OCLN: variants seen among roughly 807,000 people sequenced by gnomAD.
OCLN encodes phosphatase 1, regulatory subunit 115.
OCLN carries 21 observed loss-of-function variants against 47.9 expected under a neutral mutation model. The ratio of observed to expected loss-of-function variants is 0.44; its 90% CI spans 0.31 to 0.63. OCLN has a LOEUF of 0.63. Among genes scored for constraint, OCLN ranks in the 30% least tolerant of loss-of-function variants. The probability of loss-of-function intolerance (pLI) is 0.08; values close to 1 mark genes in which losing one functional copy is unlikely to be tolerated. For missense variants in OCLN, 360 were observed against 571.0 expected, an observed-to-expected ratio of 0.63 and a Z score of 3.77; for synonymous variants, 117 against 198.4, an observed-to-expected ratio of 0.59 and a Z score of 3.45.
intron 1 of OCLN, 91 bp downstream of exon 1, chr5:69,492,991 G>C (rs1385649022): frequency 6.6e-6 from 1 of 152,548 alleles, no homozygotes; most frequent in Non-Finnish European, 1.5e-5. Context: ...GGTGCCGGGG[G>C]GAGGACGCTC....
At chr5:69,508,808 G>C (rs1209515408) in intron 2 of OCLN, among the ~76,000 whole-genome samples, 1 of 152,228 alleles carries the variant, frequency 6.6e-6, no homozygotes, top group African/African-American at 2.4e-5. Context: ...GTCTAGTGAA[G>C]TTGAAGATAT....
At chr5:69,516,389 C>T (rs917086055) in intron 4 of OCLN, among the ~76,000 whole-genome samples, 35 of 152,074 alleles carry the variant, frequency 2.3e-4, no homozygotes, top group East Asian at 1.4e-3. Context: ...CGCAGGCACT[C>T]GGCAGGCTGA....
intron 2 of OCLN, among the ~76,000 whole-genome samples, chr5:69,504,709 G>A (rs1249486568): frequency 6.6e-6 from 1 of 152,200 alleles, no homozygotes; most frequent in African/African-American, 2.4e-5. Flanking sequence ...GGCCGAGGCT[G>A]GCGGATCACA....
At chr5:69,506,179 G>A (rs551433907) in intron 2 of OCLN, among the ~76,000 whole-genome samples, 17 of 152,298 alleles carry the variant, frequency 1.1e-4, no homozygotes, top group African/African-American at 4.1e-4. Flanking sequence ...GTGTGGTGGT[G>A]CATGCCTGTT....
intron 4 of OCLN, among the ~76,000 whole-genome samples, chr5:69,523,410 A>T (rs1465218287): frequency 2.6e-5 from 4 of 152,190 alleles, no homozygotes; most frequent in African/African-American, 9.7e-5. Context: ...TTTTATATTA[A>T]CAGAAAGCAT....
At chr5:69,522,776 G>A (rs1213151846) in intron 4 of OCLN, among the ~76,000 whole-genome samples, 3 of 151,568 alleles carry the variant, frequency 2.0e-5, no homozygotes, top group African/African-American at 7.3e-5. Context: ...TGCCCAGGCT[G>A]GAGTGCAATG....
Position 69,492,797 on chromosome 5 carries a change from G to C in OCLN, c.-172G>C, listed in dbSNP as rs1471792207. 1 of 152,548 alleles carries C rather than the reference G, an allele frequency of 6.6e-6. No individual in the cohort carries two copies. Among genetic ancestry groups the C allele is most frequent in the Non-Finnish European group, 1.5e-5 (1 of 68,326 alleles). The allele number at this position is 152,548 out of a possible 1,614,324, so 9.4% of individuals were successfully genotyped here. A position where few individuals can be genotyped will look rare whatever the true frequency, so the allele number is the denominator to read the frequency against. ...AGGAGACGTCCCCAGCCCAGTCCCC[G>C]GCTGAGCGCTGGCGGTCGGTGCGGC... On this transcript the variant is annotated 5_prime_UTR_variant, in exon 1 of 9. Transcript: ENST00000396442.
At chr5:69,550,303 C>T (rs1254543982) in intron 7 of OCLN, among the ~76,000 whole-genome samples, 2 of 124,562 alleles carry the variant, frequency 1.6e-5, no homozygotes, top group South Asian at 3.0e-4. Flanking sequence ...GTGATTCTCC[C>T]GCCTCAGCCT....
intron 1 of OCLN, among the ~76,000 whole-genome samples, chr5:69,494,193 G>C (rs1456420786): frequency 2.6e-5 from 4 of 152,130 alleles, no homozygotes; most frequent in South Asian, 2.1e-4. Flanking sequence ...GCTTGTGTGT[G>C]TGTGTGTGTG....
At chr5:69,508,006 T>G (rs756938764) in intron 2 of OCLN, among the ~76,000 whole-genome samples, 13 of 152,220 alleles carry the variant, frequency 8.5e-5, no homozygotes, top group African/African-American at 1.2e-4. Flanking sequence ...TCAGGAAATA[T>G]TTTACATTCT....
intron 5 of OCLN, among the ~76,000 whole-genome samples, chr5:69,535,165 G>GT (rs1330612977): frequency 6.6e-6 from 1 of 151,262 alleles, no homozygotes; most frequent in Non-Finnish European, 1.5e-5. Context: ...TTTAGGTGAG[G>GT]GTGAGAGGAA....
chr5:69,536,332 T>C, intron 5 of OCLN, among the ~76,000 whole-genome samples: 1 of 144,354 alleles, frequency 6.9e-6, no homozygotes, highest in Middle Eastern at 3.5e-3. Flanking sequence ...AATCTTAGCT[T>C]TCTATAACTT....
intron 2 of OCLN, among the ~76,000 whole-genome samples, chr5:69,507,674 C>T (rs755174773): frequency 1.1e-4 from 17 of 151,442 alleles, no homozygotes; most frequent in African/African-American, 3.9e-4. Context: ...GGCACGGTCT[C>T]GGCTTACTGC....
At chr5:69,515,167 C>A (rs1360819072) in intron 4 of OCLN, among the ~76,000 whole-genome samples, 1 of 147,284 alleles carries the variant, frequency 6.8e-6, no homozygotes, top group Non-Finnish European at 1.5e-5. Flanking sequence ...ACCCCCCCAC[C>A]TCCCTCCCGG....
intron 1 of OCLN, among the ~76,000 whole-genome samples, chr5:69,502,196 C>CAA (rs575237563): frequency 1.8e-3 from 133 of 74,700 alleles, no homozygotes; most frequent in Non-Finnish European, 2.9e-3. Flanking sequence ...AGACTCGGCT[C>CAA]AAAAAAAAAA....
chr5:69,520,627 A>G (rs924127396), intron 4 of OCLN, among the ~76,000 whole-genome samples: 1 of 150,084 alleles, frequency 6.7e-6, no homozygotes. Context: ...TTCCTTTCCT[A>G]TTTCTTATTC....
In OCLN at chr5:69,520,535, G is replaced by A. The variant is rs547406343; in HGVS notation, c.891+6426G>A. ...AGGCTGGCCTCAAACTTCTGACTAC[G>A]TGATCCTCTGCCTCCCAAAGTGCTG... On this transcript the variant is annotated intron_variant, in intron 4 of 8. Coordinates refer to ENST00000396442, the MANE Select transcript of OCLN (RefSeq NM_001205254.2). Among the ~76,000 whole-genome samples, 6 of 151,394 alleles carry A rather than the reference G, an allele frequency of 4.0e-5. 1 individual carries two copies. Among genetic ancestry groups the A allele is most frequent in the South Asian group, 4.2e-4 (2 of 4,782 alleles).
At chr5:69,532,999 A>ATGTGTGTGTGTGTGTG (rs373564373) in intron 4 of OCLN, among the ~76,000 whole-genome samples, 15 of 137,596 alleles carry the variant, frequency 1.1e-4, no homozygotes, top group African/African-American at 3.3e-4. Context: ...GTATGCATGT[A>ATGTGTGTGTGTGTGTG]TGTGTGTGTG....
intron 5 of OCLN, among the ~76,000 whole-genome samples, chr5:69,538,190 C>T (rs370624234): frequency 6.6e-6 from 1 of 150,848 alleles, no homozygotes; most frequent in East Asian, 2.0e-4. Flanking sequence ...AATTCTAGAA[C>T]TCTAAGTTCC....
Sources: gnomAD v4.1 joint callset for allele counts (sites outside exome capture counted in the v4.1 genomes callset) on GRCh38, gnomAD v4.1.1 for gene constraint, MANE v1.5 for transcripts, NCBI Gene and HGNC (gene_info 2026-07-23, HGNC 2026-07-21) for gene names.